The following PI16 variants were observed in gnomAD, a reference collection of about 807,000 sequenced individuals.
PI16 encodes the protein PSP94-binding protein.
A neutral mutation model predicts 38.0 loss-of-function variants in PI16; 35 were observed. That is an observed-to-expected ratio of 0.92 (90% CI 0.70 to 1.22). The LOEUF is 1.22. Among genes scored for constraint, PI16 ranks in the 50% most tolerant of loss-of-function variants. PI16 has a pLI of 0.00. For synonymous variants in PI16, 275 were observed against 252.9 expected (o/e 1.09, Z -0.83); for missense variants, 572 against 593.8 (o/e 0.96, Z 0.38).
chr6:36,961,361 T>C, intron 2 of PI16, 90 bp from the exon 3 acceptor site: 1 of 1,142,864 alleles, frequency 8.7e-7, no homozygotes, highest in Non-Finnish European at 1.3e-6. Flanking sequence ...GCCTCTTCTC[T>C]CCACTCCTGT....
chr6:36,963,133 C>A lies in PI16; in HGVS notation c.791C>A (p.Ala264Asp), dbSNP rs1405587752. ...GCTCTGCCTGCTGTGGAAACCCAGG[C>A]CCCAACTTCCTTAGCAACGAAAGAC... ...TKALPAVETQ[A>D]PTSLATKDPP... The change falls in exon 5 of 7, where the codon GCC becomes GAC. Residue 264 changes from alanine to aspartate, a missense_variant. Physicochemically the swap from Ala to Asp is moderately radical, Grantham distance 126. Transcript: ENST00000373674. 4.3e-6 allele frequency: 7 copies of A among 1,614,234 alleles called. No homozygotes were observed. The East Asian group carries it at 1.3e-4, about 31-fold the overall frequency.
At chr6:36,955,023 A>C in intron 1 of PI16, 92 bp downstream of exon 1, 1 of 1,444,770 alleles carries the variant, frequency 6.9e-7, no homozygotes, top group Non-Finnish European at 9.1e-7. Flanking sequence ...CTCATGCTGA[A>C]GCTATTTCAG....
At position 36,961,520 on chromosome 6, in the gene PI16, G is replaced by A; in HGVS notation, c.463G>A (p.Glu155Lys). 1 of 1,614,206 alleles carries A rather than the reference G, an allele frequency of 6.2e-7. No homozygotes were observed. Residue 155 changes from glutamate to lysine, a missense_variant, in exon 3 of 7, where the codon GAG becomes AAG. Glu to Lys is a moderately conservative substitution (Grantham distance 56). Transcript: ENST00000373674. ...HFCEKLQGVE[E>K]TNIELLVCNY... ...CTGTGAGAAGCTCCAGGGTGTTGAG[G>A]AGACCAACATCGAATTACTGGTGTG...
Position 36,949,113 on chromosome 6 carries a change from T to TTC in PI16, c.-82+723_-82+724dup, listed in dbSNP as rs912823422. Among the ~76,000 whole-genome samples, 13 of 147,554 alleles carry TTC rather than the reference T, an allele frequency of 8.8e-5. No homozygotes were observed. The East Asian group carries it at 1.2e-3, about 14-fold the overall frequency. ...ATTTTCTTTTTCTCTCTCTCCTCTCTTCTCTCTCTCTCTCTTCCTCTCTTT... is the reference window on the plus strand; with the variant it reads ...ATTTTCTTTTTCTCTCTCTCCTCTCTTCTCTCTCTCTCTCTCTTCCTCTCTTT... On this transcript the variant is annotated intron_variant, in intron 1 of 7. Transcript: ENST00000611814.
intron 1 of PI16, among the ~76,000 whole-genome samples, chr6:36,948,591 C>T (rs1763047461): frequency 6.6e-6 from 1 of 151,920 alleles, no homozygotes; most frequent in Admixed American, 6.5e-5. Context: ...AGCCACCACG[C>T]CCAGCTCTGT....
upstream of PI16, chr6:36,954,480 C>T (rs1365632209): frequency 8.2e-6 from 3 of 365,078 alleles, no homozygotes; most frequent in African/African-American, 6.2e-5. Context: ...GTGATTTTGC[C>T]CCTGAAGGAT....
chr6:36,959,840 C>T (rs973453584), intron 2 of PI16, among the ~76,000 whole-genome samples: 3 of 149,662 alleles, frequency 2.0e-5, no homozygotes, highest in Admixed American at 6.7e-5. Context: ...TACACTCCAG[C>T]CTGGGCGACA....
At position 36,961,572 on chromosome 6, in the gene PI16, G is replaced by T. The variant is rs757938098; in HGVS notation, c.503+12G>T. The T allele has an allele frequency of 2.5e-6, 4 of 1,611,662 alleles. No homozygotes were observed. Among genetic ancestry groups the T allele is most frequent in the Non-Finnish European group, 3.4e-6 (4 of 1,177,818 alleles). ...AACTATGAGCCTCCGTGAGTGCCGGGGGGAACCCTGGAGATGGAGAGGGGG... is the reference window on the plus strand; with the variant it reads ...AACTATGAGCCTCCGTGAGTGCCGGTGGGAACCCTGGAGATGGAGAGGGGG... On this transcript the variant is annotated intron_variant, in intron 3 of 6. Transcript: ENST00000373674.
At chr6:36,953,742 G>C (rs1195411721), upstream of PI16, among the ~76,000 whole-genome samples, 1 of 152,056 alleles carries the variant, frequency 6.6e-6, no homozygotes, top group African/African-American at 2.4e-5. Flanking sequence ...CCCCTGCAAG[G>C]TCAAGGTCAT....
At chr6:36,948,629 T>TCCCTCCTTCCTCCCTC (rs1763050019) in intron 1 of PI16, among the ~76,000 whole-genome samples, 2 of 53,598 alleles carry the variant, frequency 3.7e-5, no homozygotes, top group East Asian at 3.6e-4. Context: ...TTTCCTTCCT[T>TCCCTCCTTCCTCCCTC]CCTCCTTCCC....
Position 36,963,168 on chromosome 6 carries a change from A to ATGGCAACAGAGGCTCCACCTTGCG in PI16, c.828_851dup (p.Ala277_Val284dup). On this transcript the variant is annotated inframe_insertion, in exon 5 of 7. Coordinates refer to ENST00000373674, the MANE Select transcript of PI16 (RefSeq NM_153370.3). Reference sequence around the variant, plus strand: ...CTTAGCAACGAAAGACCCGCCCTCCATGGCAACAGAGGCTCCACCTTGCGT... The same window carrying ATGGCAACAGAGGCTCCACCTTGCG: ...CTTAGCAACGAAAGACCCGCCCTCCATGGCAACAGAGGCTCCACCTTGCGTGGCAACAGAGGCTCCACCTTGCGT... 1 of 1,614,208 alleles carries ATGGCAACAGAGGCTCCACCTTGCG rather than the reference A, an allele frequency of 6.2e-7. No individual in the cohort carries two copies.
upstream of PI16, chr6:36,954,555 T>C: frequency 1.6e-6 from 1 of 637,294 alleles, no homozygotes. Flanking sequence ...AGAAAGGAGG[T>C]TTTTGCCAAG....
At chr6:36,961,376 C>A (rs1326382477) in intron 2 of PI16, 75 bp from the exon 3 acceptor site, 2 of 1,274,722 alleles carry the variant, frequency 1.6e-6, no homozygotes, top group Non-Finnish European at 2.3e-6. Context: ...TCCTGTAAGG[C>A]AGGTGTAGTG....
chr6:36,963,405 G>T lies in PI16; in HGVS notation c.1063G>T (p.Glu355Ter), dbSNP rs778375641. ...GARELLPHAQEEAEAEAELPP... is the reference protein window; with the variant it reads ...GARELLPHAQ ...AAGGGAACTCCTACCCCATGCCCAG[G>T]AGGAGGCTGAGGCTGAGGCTGAGTT... Residue 355 changes from glutamate (E) to a stop codon, truncating the protein, a stop_gained, in exon 5 of 7, where the codon GAG becomes TAG. Coordinates refer to ENST00000373674, the MANE Select transcript of PI16 (RefSeq NM_153370.3). LOFTEE classifies it high-confidence loss of function. The T allele has an allele frequency of 3.7e-6, 6 of 1,614,062 alleles. No homozygotes were observed. The highest frequency in any genetic ancestry group is 5.1e-6 in the Non-Finnish European group (6 of 1,180,026).
intron 1 of PI16, among the ~76,000 whole-genome samples, chr6:36,955,322 T>G (rs1290577994): frequency 6.6e-6 from 1 of 152,138 alleles, no homozygotes; most frequent in Non-Finnish European, 1.5e-5. Flanking sequence ...GGGAAGTTCT[T>G]AACACCTTTG....
chr6:36,951,497 G>A (rs565290357), upstream of PI16, among the ~76,000 whole-genome samples: 7 of 152,254 alleles, frequency 4.6e-5, no homozygotes, highest in Middle Eastern at 3.4e-3. Context: ...CGATCGGCCC[G>A]CCTTAGCCTC....
At chr6:36,952,292 C>T (rs927379614), upstream of PI16, among the ~76,000 whole-genome samples, 6 of 152,146 alleles carry the variant, frequency 3.9e-5, no homozygotes, top group East Asian at 9.6e-4. Flanking sequence ...CTACACTCTG[C>T]CCCCGAAAGT....
At chr6:36,954,725 A>T, upstream of PI16, 1 of 1,581,212 alleles carries the variant, frequency 6.3e-7, no homozygotes, top group Non-Finnish European at 8.6e-7. Context: ...CAGCTGCCAG[A>T]CCCCTGGACG....
intron 2 of PI16, among the ~76,000 whole-genome samples, chr6:36,960,647 C>CA (rs2150738104): frequency 6.9e-6 from 1 of 144,432 alleles, no homozygotes; most frequent in African/African-American, 2.6e-5. Context: ...CCTCCACCCC[C>CA]CCCCTCCCTC....
Sources: allele counts gnomAD v4.1 joint callset (sites outside exome capture counted in the v4.1 genomes callset), GRCh38; gene constraint gnomAD v4.1.1; transcripts MANE v1.5; gene names NCBI Gene and HGNC (gene_info 2026-07-23, HGNC 2026-07-21).